Variants in CSMD1 observed in about 807,000 individuals in gnomAD.
CSMD1 encodes CUB and sushi domain-containing protein 1.
In CSMD1, 213 loss-of-function variants were observed where a neutral mutation model predicts 417.5. The ratio of observed to expected loss-of-function variants is 0.51; its 90% CI spans 0.46 to 0.57. The LOEUF (loss-of-function observed/expected upper bound fraction) is 0.57, where lower values mean the gene tolerates loss of function less well. CSMD1 is among the 20% of genes least tolerant of loss of function. CSMD1 has a pLI of 0.00. For synonymous variants in CSMD1, 2,862 were observed against 1,736.8 expected (o/e 1.65, Z -16.11); for missense variants, 6,923 against 4,529.7 (o/e 1.53, Z -15.17).
chr8:3,336,079 GA>G (rs1417510409), intron 23 of CSMD1, among the ~76,000 whole-genome samples: 1 of 152,116 alleles, frequency 6.6e-6, no homozygotes, highest in Admixed American at 6.5e-5. Context: ...ACTGAAGTTA[GA>G]AAAAAATCCC....
intron 3 of CSMD1, among the ~76,000 whole-genome samples, chr8:4,297,381 G>C (rs546269199): frequency 6.6e-6 from 1 of 151,974 alleles, no homozygotes; most frequent in Admixed American, 6.6e-5. Flanking sequence ...GACGTTCAGC[G>C]TACTGTAATT....
Position 3,772,450 on chromosome 8 carries a change from C to CTT in CSMD1, c.819-18409_819-18408insAA, listed in dbSNP as rs1563064346. ...ATATATACATACATTTATATATACA[C>CTT]ATATATATACATATATACACATATA... On this transcript the variant is annotated intron_variant, in intron 5 of 69. Transcript: ENST00000635120. 3.3e-4 allele frequency among the ~76,000 whole-genome samples: 20 copies of CTT among 61,036 alleles called. 3 individuals are homozygous for CTT. The highest frequency in any genetic ancestry group is 1.7e-3 in the African/African-American group (16 of 9,678). 40.0% of individuals were successfully genotyped at this position (61,036 alleles called of 152,430 possible).
intron 4 of CSMD1, among the ~76,000 whole-genome samples, chr8:4,009,054 A>T (rs1018387328): frequency 2.6e-5 from 4 of 152,120 alleles, no homozygotes; most frequent in Non-Finnish European, 4.4e-5. Flanking sequence ...TTTTTCCTTT[A>T]TTGAGTTATC....
intron 3 of CSMD1, among the ~76,000 whole-genome samples, chr8:4,237,469 G>A (rs1044358204): frequency 2.6e-5 from 4 of 152,028 alleles, no homozygotes; most frequent in African/African-American, 7.2e-5. Context: ...TTGAAGTGAG[G>A]AATAAGGTAA....
chr8:4,332,944 T>TGAAAA (rs547554641), intron 3 of CSMD1, among the ~76,000 whole-genome samples: 1 of 143,618 alleles, frequency 7.0e-6, no homozygotes, highest in African/African-American at 2.5e-5. Context: ...TATAAAAATC[T>TGAAAA]AAAAAAAAAA....
At chr8:4,171,858 C>A (rs766077779) in intron 3 of CSMD1, among the ~76,000 whole-genome samples, 1 of 152,104 alleles carries the variant, frequency 6.6e-6, no homozygotes, top group African/African-American at 2.4e-5. Context: ...ATGTGTGATT[C>A]TCTCATTACT....
chr8:4,656,247 C>G (rs551075228), intron 1 of CSMD1, among the ~76,000 whole-genome samples: 1 of 152,090 alleles, frequency 6.6e-6, no homozygotes, highest in South Asian at 2.1e-4. Flanking sequence ...AGGAGCCAGA[C>G]TTTCAGGGGG....
intron 16 of CSMD1, among the ~76,000 whole-genome samples, chr8:3,397,756 C>G (rs1380550099): frequency 6.6e-6 from 1 of 152,154 alleles, no homozygotes; most frequent in Non-Finnish European, 1.5e-5. Flanking sequence ...GTGCCTATTT[C>G]AACAGCTGGA....
At chr8:4,837,864 C>T (rs1021408524) in intron 1 of CSMD1, among the ~76,000 whole-genome samples, 2 of 151,656 alleles carry the variant, frequency 1.3e-5, no homozygotes, top group East Asian at 1.9e-4. Context: ...TTTCATGTAC[C>T]CCATAAATAT....
chr8:3,947,617 CGAG>C (rs1811319496), intron 5 of CSMD1, among the ~76,000 whole-genome samples: 1 of 151,238 alleles, frequency 6.6e-6, no homozygotes, highest in Admixed American at 6.6e-5. Context: ...TTTCCAAATA[CGAG>C]GAGCTTTCCC....
Position 3,308,463 on chromosome 8 carries a change from G to A in CSMD1, c.3672C>T (p.Asn1224=), listed in dbSNP as rs138221720. The stretch of plus-strand genomic sequence containing the variant: ...CTTCATCACGGATCCTATAGCCGTA[G>A]TTAGGGATGCCCGGATCCTCACATT... ...LVKCEDPGIP[N]YGYRIRDEGH... Residue 1224 remains asparagine (N), a synonymous_variant, in exon 24 of 70, where the codon AAC becomes AAT. Coordinates refer to ENST00000635120, the MANE Select transcript of CSMD1 (RefSeq NM_033225.6). The A allele has an allele frequency of 8.7e-6, 14 of 1,613,594 alleles. No homozygotes were observed. In the African/African-American group the frequency reaches 1.7e-4, roughly 20 times the overall value.
intron 6 of CSMD1, among the ~76,000 whole-genome samples, chr8:3,749,874 G>A (rs529403891): frequency 2.6e-5 from 4 of 151,908 alleles, no homozygotes; most frequent in East Asian, 3.9e-4. Context: ...AATGGTGCTC[G>A]CATCTCCTGG....
intron 3 of CSMD1, among the ~76,000 whole-genome samples, chr8:4,045,470 G>A (rs939502750): frequency 6.6e-6 from 1 of 152,176 alleles, no homozygotes; most frequent in Non-Finnish European, 1.5e-5. Context: ...ACTGGTGCTG[G>A]GGTCAGAACA....
chr8:4,210,560 G>A (rs1385338629), intron 3 of CSMD1, among the ~76,000 whole-genome samples: 1 of 151,710 alleles, frequency 6.6e-6, no homozygotes, highest in Non-Finnish European at 1.5e-5. Flanking sequence ...GCACAAATAG[G>A]AAACACAATA....
At chr8:3,432,134 T>C (rs1008092176) in intron 12 of CSMD1, among the ~76,000 whole-genome samples, 8 of 152,204 alleles carry the variant, frequency 5.3e-5, no homozygotes, top group Non-Finnish European at 1.0e-4. Context: ...ACCAGAAAGA[T>C]GACTCAGTAG....
At chr8:3,937,283 G>T (rs1046139986) in intron 5 of CSMD1, among the ~76,000 whole-genome samples, 3 of 152,146 alleles carry the variant, frequency 2.0e-5, no homozygotes, top group Non-Finnish European at 2.9e-5. Context: ...ACTGAATTTT[G>T]AAAGAATTTC....
chr8:3,179,458 G>C (rs1001268163), intron 37 of CSMD1, among the ~76,000 whole-genome samples: 9 of 152,184 alleles, frequency 5.9e-5, no homozygotes, highest in African/African-American at 2.2e-4. Context: ...AAGTTCATCT[G>C]AATGAGAAAT....
intron 16 of CSMD1, among the ~76,000 whole-genome samples, chr8:3,396,658 T>C (rs1310260531): frequency 6.6e-6 from 1 of 152,172 alleles, no homozygotes; most frequent in African/African-American, 2.4e-5. Flanking sequence ...ACAAAAATAC[T>C]ATGAACCAGA....
chr8:4,458,224 T>A (rs983833735), intron 2 of CSMD1, among the ~76,000 whole-genome samples: 2 of 152,156 alleles, frequency 1.3e-5, no homozygotes, highest in Non-Finnish European at 2.9e-5. Flanking sequence ...ATGGAACTTA[T>A]AATGATCGGT....
Sources: gnomAD v4.1 joint callset for allele counts (sites outside exome capture counted in the v4.1 genomes callset) on GRCh38, gnomAD v4.1.1 for gene constraint, MANE v1.5 for transcripts, NCBI Gene and HGNC (gene_info 2026-07-23, HGNC 2026-07-21) for gene names.